The following TUT4 variants were observed in gnomAD, a reference collection of about 807,000 sequenced individuals.
TUT4 encodes the protein terminal uridylyltransferase 4.
In TUT4, 36 loss-of-function variants were observed where a neutral mutation model predicts 192.2. The ratio of observed to expected loss-of-function variants is 0.19; its 90% CI spans 0.14 to 0.25. TUT4 has a LOEUF of 0.25. Ranked by LOEUF, TUT4 falls within the 10% of genes least tolerant of loss-of-function variation. TUT4 has a pLI of 1.00. For missense variants in TUT4, 1,493 were observed against 1,957.2 expected (o/e 0.76, Z 4.47); for synonymous variants, 618 against 666.0 (o/e 0.93, Z 1.11).
chr1:52,499,951 C>A (rs1673635546), intron 4 of TUT4, among the ~76,000 whole-genome samples: 1 of 151,202 alleles, frequency 6.6e-6, no homozygotes, highest in South Asian at 2.1e-4. Flanking sequence ...TATATATACA[C>A]ACACACACAT....
intron 1 of TUT4, among the ~76,000 whole-genome samples, chr1:52,540,730 G>T (rs957511668): frequency 6.6e-6 from 1 of 151,934 alleles, no homozygotes; most frequent in Non-Finnish European, 1.5e-5. Context: ...CCCAATTTTT[G>T]GTCCAAGTTT....
At chr1:52,496,859 C>T in intron 5 of TUT4, 147 bp downstream of exon 5, 1 of 751,184 alleles carries the variant, frequency 1.3e-6, no homozygotes, top group Non-Finnish European at 2.0e-6. Context: ...TGAAATATTT[C>T]CCTCAAAAAT....
chr1:52,458,441 G>A lies in TUT4; in HGVS notation c.3330C>T (p.Asp1110=), dbSNP rs749916227. The A allele has an allele frequency of 1.2e-5, 20 of 1,611,172 alleles. No individual in the cohort carries two copies. The South Asian group carries it at 2.1e-4, about 17-fold the overall frequency. The change falls in exon 20 of 30, where the codon GAC becomes GAT. Residue 1110 remains aspartate, a synonymous_variant. Transcript: ENST00000257177. ...AACTTCCCCTGGAAGCATCCCCAAT[G>A]TCACATCGCTAAAAAACAACATGAT... ...YTMKVFAKRC[D]IGDASRGSLS... is the part of the protein sequence containing the mutation.
At chr1:52,530,731 A>G (rs1683143375) in intron 1 of TUT4, among the ~76,000 whole-genome samples, 2 of 152,206 alleles carry the variant, frequency 1.3e-5, no homozygotes, top group African/African-American at 2.4e-5. Context: ...AGCTGGGAAC[A>G]GTGACTCACA....
At chr1:52,485,628 T>C (rs549199057) in intron 9 of TUT4, among the ~76,000 whole-genome samples, 22 of 152,234 alleles carry the variant, frequency 1.4e-4, no homozygotes, top group Non-Finnish European at 2.2e-4. Flanking sequence ...CATTTCTAGC[T>C]GACTTAAAAG....
chr1:52,488,845 T>A, intron 9 of TUT4, 64 bp downstream of exon 9: 1 of 1,505,296 alleles, frequency 6.6e-7, no homozygotes, highest in Middle Eastern at 1.8e-4. Flanking sequence ...AAGGCCTAAT[T>A]TTGAAGATTA....
At chr1:52,442,772 T>C (rs976711432) in intron 24 of TUT4, among the ~76,000 whole-genome samples, 1 of 152,190 alleles carries the variant, frequency 6.6e-6, no homozygotes, top group African/African-American at 2.4e-5. Flanking sequence ...TATGGAATAC[T>C]ACATACTGAC....
intron 4 of TUT4, among the ~76,000 whole-genome samples, chr1:52,502,943 G>A (rs111620497): frequency 4.1e-4 from 62 of 151,970 alleles, no homozygotes; most frequent in African/African-American, 1.3e-3. Flanking sequence ...AGCACTCTTC[G>A]CCTCTACACT....
At chr1:52,484,203 G>A (rs1419803258) in intron 9 of TUT4, among the ~76,000 whole-genome samples, 2 of 152,004 alleles carry the variant, frequency 1.3e-5, no homozygotes, top group Non-Finnish European at 2.9e-5. Flanking sequence ...AACAGAGTGA[G>A]ACTCTGTCTC....
chr1:52,449,381 C>T (rs1189205222), intron 20 of TUT4, among the ~76,000 whole-genome samples: 1 of 152,218 alleles, frequency 6.6e-6, no homozygotes, highest in Non-Finnish European at 1.5e-5. Flanking sequence ...TCACTGCAAC[C>T]TCCACCTCGC....
intron 1 of TUT4, 149 bp downstream of exon 1, chr1:52,552,782 G>A (rs1259790266): frequency 6.6e-6 from 1 of 152,302 alleles, no homozygotes; most frequent in African/African-American, 2.4e-5. Flanking sequence ...AGAAGTGTCA[G>A]GCCCCCAGGG....
intron 29 of TUT4, 38 bp from the exon 30 acceptor site, chr1:52,424,040 G>C: frequency 6.3e-7 from 1 of 1,581,174 alleles, no homozygotes; most frequent in East Asian, 2.3e-5. Flanking sequence ...TGAAAGGCTT[G>C]TGCCTGTTTA....
intron 1 of TUT4, among the ~76,000 whole-genome samples, chr1:52,549,260 C>T (rs936544417): frequency 1.3e-5 from 2 of 152,184 alleles, no homozygotes; most frequent in African/African-American, 2.4e-5. Context: ...AATTCAAACA[C>T]CTTAATACAA....
At chr1:52,498,229 A>G (rs1315063300) in intron 4 of TUT4, among the ~76,000 whole-genome samples, 3 of 150,280 alleles carry the variant, frequency 2.0e-5, no homozygotes, top group Non-Finnish European at 4.4e-5. Context: ...ATAAGCATCT[A>G]AGTTTCAGTA....
intron 20 of TUT4, among the ~76,000 whole-genome samples, chr1:52,457,141 TA>T (rs1661200133): frequency 6.6e-6 from 1 of 152,214 alleles, no homozygotes; most frequent in African/African-American, 2.4e-5. Flanking sequence ...GAAACGCTGG[TA>T]AAACCATATA....
At chr1:52,545,139 G>A (rs1177253922) in intron 1 of TUT4, among the ~76,000 whole-genome samples, 1 of 151,766 alleles carries the variant, frequency 6.6e-6, no homozygotes, top group Non-Finnish European at 1.5e-5. Flanking sequence ...ACTTTGGGAG[G>A]CCGAAGTGAG....
chr1:52,492,068 T>C (rs1671296225), intron 7 of TUT4, among the ~76,000 whole-genome samples: 1 of 152,178 alleles, frequency 6.6e-6, no homozygotes, highest in South Asian at 2.1e-4. Flanking sequence ...TAAATATTTG[T>C]GCTAGGATGA....
intron 1 of TUT4, among the ~76,000 whole-genome samples, chr1:52,550,496 CTT>C (rs752817651): frequency 6.6e-5 from 8 of 122,010 alleles, no homozygotes; most frequent in Non-Finnish European, 1.0e-4. Flanking sequence ...GTAAGTATTG[CTT>C]TTTTTTTTTT....
chr1:52,449,187 A>T (rs2148503327), intron 20 of TUT4, among the ~76,000 whole-genome samples: 1 of 152,300 alleles, frequency 6.6e-6, no homozygotes, highest in South Asian at 2.1e-4. Context: ...AAACAAGTCA[A>T]TCATATTATA....
Sources: gnomAD v4.1 joint callset for allele counts (sites outside exome capture counted in the v4.1 genomes callset) on GRCh38, gnomAD v4.1.1 for gene constraint, MANE v1.5 for transcripts, NCBI Gene and HGNC (gene_info 2026-07-23, HGNC 2026-07-21) for gene names.